The following NCOA6 variants were observed in gnomAD, a reference collection of about 807,000 sequenced individuals.
The protein encoded by NCOA6 is nuclear receptor coactivator 6.
In NCOA6, 49 loss-of-function variants were observed where a neutral mutation model predicts 171.4. The ratio of observed to expected loss-of-function variants is 0.29; its 90% CI spans 0.23 to 0.36. The LOEUF (loss-of-function observed/expected upper bound fraction) is 0.36. Ranked by LOEUF, NCOA6 falls within the 10% of genes least tolerant of loss-of-function variation. NCOA6 has a pLI of 1.00. For synonymous variants in NCOA6, 910 were observed against 927.5 expected (o/e 0.98, Z 0.34); for missense variants, 2,248 against 2,554.5 (o/e 0.88, Z 2.59).
At chr20:34,727,112 G>A in intron 14 of NCOA6, 147 bp downstream of exon 14, 1 of 921,964 alleles carries the variant, frequency 1.1e-6, no homozygotes, top group Non-Finnish European at 1.6e-6. Context: ...ACAAATAAAG[G>A]AAGGACCAAA....
chr20:34,775,672 C>CAAAAAAAAAAA (rs570763953), intron 4 of NCOA6, among the ~76,000 whole-genome samples: 86 of 77,214 alleles, frequency 1.1e-3, no homozygotes, highest in South Asian at 2.4e-3. Flanking sequence ...GACTCTGTCT[C>CAAAAAAAAAAA]AAAAAAAAAA....
chr20:34,815,087 A>G (rs950092720), intron 1 of NCOA6, among the ~76,000 whole-genome samples: 1 of 152,186 alleles, frequency 6.6e-6, no homozygotes, highest in African/African-American at 2.4e-5. Flanking sequence ...TGCTACCATT[A>G]AAAAGACACA....
In NCOA6 at chr20:34,750,402, G is replaced by C. The variant is rs2145713257; in HGVS notation, c.1793C>G (p.Thr598Ser). 2 of 1,614,082 alleles carry C rather than the reference G, an allele frequency of 1.2e-6. No homozygotes were observed. Among genetic ancestry groups the C allele is most frequent in the Non-Finnish European group, 1.7e-6 (2 of 1,180,030 alleles). The change falls in exon 9 of 15, where the codon ACT becomes AGT. Residue 598 changes from threonine to serine, a missense_variant. Around this residue, in one of 7 missense-constraint regions of NCOA6, gnomAD observed 987 missense variants for 1,104.7 expected, o/e 0.89. Coordinates refer to ENST00000359003, the MANE Select transcript of NCOA6 (RefSeq NM_014071.5). ...GAGGTTCACTTGAGGAACCCCAGAA[G>C]TACCAGCCTGCTGATTGTTCATGTT... is the stretch of plus-strand genomic sequence containing the variant. ...HGNMNNQQAG[T>S]SGVPQVNLSN...
At chr20:34,812,764 C>T (rs2078708763) in intron 1 of NCOA6, among the ~76,000 whole-genome samples, 1 of 152,100 alleles carries the variant, frequency 6.6e-6, no homozygotes, top group Non-Finnish European at 1.5e-5. Flanking sequence ...GCCTGTAATC[C>T]CAGCACCTTG....
chr20:34,825,160 G>C (rs2079114672), intron 1 of NCOA6, among the ~76,000 whole-genome samples: 1 of 151,758 alleles, frequency 6.6e-6, no homozygotes, highest in South Asian at 2.1e-4. Flanking sequence ...TGCAGACCCC[G>C]GCCAGCCCTG....
chr20:34,819,590 T>C (rs1243278152), intron 1 of NCOA6: 1 of 152,106 alleles, frequency 6.6e-6, no homozygotes. Flanking sequence ...CTTGGAAGCA[T>C]CTCCTGCAAC....
chr20:34,811,202 TATATATATATATATATATATATA>T (rs1179578134), intron 1 of NCOA6, among the ~76,000 whole-genome samples: 1 of 16,914 alleles, frequency 5.9e-5, no homozygotes, highest in African/African-American at 2.6e-4. Flanking sequence ...CAACAACGTG[TATATATATATATATATATATATA>T]TATATATATA....
chr20:34,759,139 C>G (rs1361832510), intron 5 of NCOA6, among the ~76,000 whole-genome samples: 1 of 151,876 alleles, frequency 6.6e-6, no homozygotes, highest in Non-Finnish European at 1.5e-5. Flanking sequence ...TCTGAGTCAG[C>G]CTCCCAAATA....
intron 14 of NCOA6, among the ~76,000 whole-genome samples, chr20:34,720,038 A>G (rs1171096242): frequency 6.6e-6 from 1 of 152,240 alleles, no homozygotes; most frequent in African/African-American, 2.4e-5. Context: ...TGATAATTAC[A>G]GATTGCTCTG....
At position 34,740,745 on chromosome 20, in the gene NCOA6, G is replaced by T; in HGVS notation, c.5511C>A (p.Gly1837=). Residue 1837 remains glycine (G), a synonymous_variant, in exon 11 of 15, where the codon GGC becomes GGA. Transcript: ENST00000359003. ...LLTKACKKVT[G]SLEKGEEQYG... is the part of the protein sequence containing the mutation. ...ATTGTTCTTCCCCTTTCTCAAGAGA[G>T]CCTGTAACTTTCTTACATGCCTTGG... is the stretch of plus-strand genomic sequence containing the variant. 6.2e-7 allele frequency: 1 copy of T among 1,614,214 alleles called. No homozygotes were observed. Among genetic ancestry groups the T allele is most frequent in the Non-Finnish European group, 8.5e-7 (1 of 1,180,038 alleles).
rs1568902298 is a variant in NCOA6 at position 34,817,196 on chromosome 20, ACAGATTCAATATCAGT to A, written c.-164+8260_-164+8275del. ...ATGGGTACTACGGAACTGATATTCAACAGATTCAATATCAGTAAAGGAGCTGATTAATGGGAACTTT... is the reference window on the plus strand; with the variant it reads ...ATGGGTACTACGGAACTGATATTCAAAAAGGAGCTGATTAATGGGAACTTT... On this transcript the variant is annotated intron_variant, in intron 1 of 14. Coordinates refer to ENST00000359003, the MANE Select transcript of NCOA6 (RefSeq NM_014071.5). Among the ~76,000 whole-genome samples, 740 of 133,770 alleles carry A rather than the reference ACAGATTCAATATCAGT, an allele frequency of 5.5e-3. 168 individuals are homozygous for A. The highest frequency in any genetic ancestry group is 7.2e-3 in the Non-Finnish European group (422 of 58,906). The allele number at this position is 133,770 out of a possible 152,430, so 87.8% of individuals were successfully genotyped here.
chr20:34,815,620 G>A (rs887450232), intron 1 of NCOA6, among the ~76,000 whole-genome samples: 2 of 152,134 alleles, frequency 1.3e-5, no homozygotes, highest in Non-Finnish European at 2.9e-5. Context: ...AATGAAGTGT[G>A]ACATGACTAT....
chr20:34,772,881 T>A (rs1250689166), intron 4 of NCOA6, among the ~76,000 whole-genome samples: 1 of 152,190 alleles, frequency 6.6e-6, no homozygotes, highest in East Asian at 1.9e-4. Context: ...TAATTATAAT[T>A]CTATTTCTAC....
In NCOA6 at chr20:34,741,399, G is replaced by A; in HGVS notation, c.4857C>T (p.His1619=). The A allele has an allele frequency of 6.2e-7, 1 of 1,614,248 alleles. No individual in the cohort carries two copies. Among genetic ancestry groups the A allele is most frequent in the Non-Finnish European group, 8.5e-7 (1 of 1,180,032 alleles). Residue 1619 remains histidine (H), a synonymous_variant, in exon 11 of 15, where the codon CAC becomes CAT. Transcript: ENST00000359003. ...SANTSAALPT[H]LQSALMSTVV... is the part of the protein sequence containing the mutation. Reference sequence around the variant, plus strand: ...CTGTTGACATCAATGCAGACTGCAAGTGAGTTGGCAAAGCTGCTGATGTGT... The same window carrying A: ...CTGTTGACATCAATGCAGACTGCAAATGAGTTGGCAAAGCTGCTGATGTGT...
chr20:34,824,495 G>A (rs2079094920), intron 1 of NCOA6, among the ~76,000 whole-genome samples: 1 of 152,086 alleles, frequency 6.6e-6, no homozygotes, highest in South Asian at 2.1e-4. Context: ...ACCTCTCCAG[G>A]TGACTCTGCT....
Position 34,742,641 on chromosome 20 carries a change from C to A in NCOA6, c.3615G>T (p.Gln1205His), listed in dbSNP as rs772200309. Reference protein sequence around the residue: ...HHFPNVAAPTQTSRPKTPNRA... With the variant: ...HHFPNVAAPTHTSRPKTPNRA... ...TGTTTGGTGTTTTGGGCCTAGATGT[C>A]TGGGTTGGCGCAGCCACATTTGGGA... The change falls in exon 11 of 15, where the codon CAG (glutamine) becomes CAT (histidine). Residue 1205 changes from glutamine to histidine, a missense_variant. This residue lies in a region of NCOA6 where 352 missense variants were observed against 419.1 expected (regional missense o/e 0.84). Transcript: ENST00000359003. 9.3e-6 allele frequency: 15 copies of A among 1,613,950 alleles called. No individual in the cohort carries two copies. In the Admixed American group the frequency reaches 2.5e-4, roughly 27 times the overall value.
chr20:34,721,737 T>C (rs1434866189), intron 14 of NCOA6, among the ~76,000 whole-genome samples: 1 of 151,982 alleles, frequency 6.6e-6, no homozygotes, highest in Non-Finnish European at 1.5e-5. Flanking sequence ...TACCAACCAG[T>C]CCATGGCCCG....
At chr20:34,807,893 T>TA (rs935950441) in intron 1 of NCOA6, among the ~76,000 whole-genome samples, 3 of 143,662 alleles carry the variant, frequency 2.1e-5, no homozygotes, top group African/African-American at 7.5e-5. Flanking sequence ...CTCATGCCTG[T>TA]AATCCCAGCA....
chr20:34,755,086 A>G (rs2076605529), intron 7 of NCOA6, among the ~76,000 whole-genome samples: 1 of 152,138 alleles, frequency 6.6e-6, no homozygotes, highest in South Asian at 2.1e-4. Flanking sequence ...ATAAATACTA[A>G]AAAACTTACA....
Sources: allele counts gnomAD v4.1 joint callset (sites outside exome capture counted in the v4.1 genomes callset), GRCh38; gene constraint gnomAD v4.1.1; regional missense constraint gnomAD v4.1.1; transcripts MANE v1.5; gene names NCBI Gene and HGNC (gene_info 2026-07-23, HGNC 2026-07-21).